Variants in SYT1 observed in about 807,000 individuals in gnomAD.
The protein encoded by SYT1 is synaptotagmin-1.
Under a neutral mutation model 44.8 loss-of-function variants are expected in SYT1, and 8 were observed. The observed-to-expected ratio is 0.18, with a 90% confidence interval of 0.10 to 0.32. SYT1 has a LOEUF of 0.32. SYT1 is among the 10% of genes least tolerant of loss of function. The pLI, the probability that SYT1 is intolerant of heterozygous loss-of-function variation, is 1.00. For missense variants in SYT1, 286 were observed against 509.3 expected, an observed-to-expected ratio of 0.56 and a Z score of 4.22; for synonymous variants, 154 against 188.8, an observed-to-expected ratio of 0.82 and a Z score of 1.51.
At chr12:79,032,691 T>G (rs1417685971) in intron 2 of SYT1, among the ~76,000 whole-genome samples, 1 of 151,312 alleles carries the variant, frequency 6.6e-6, no homozygotes, top group African/African-American at 2.4e-5. Context: ...GTTACAAGAT[T>G]CCAGTAAAGT....
chr12:79,393,741 A>T (rs1384449631), intron 9 of SYT1: 1 of 152,154 alleles, frequency 6.6e-6, no homozygotes. Flanking sequence ...ATTTTCTCCC[A>T]TTCGGTAGGT....
chr12:78,984,076 C>A (rs539231860), intron 2 of SYT1, among the ~76,000 whole-genome samples: 4 of 151,578 alleles, frequency 2.6e-5, no homozygotes, highest in African/African-American at 9.7e-5. Flanking sequence ...ATCAAGTGTG[C>A]CTTTATCTAG....
At chr12:78,921,235 G>T (rs976607281) in intron 1 of SYT1, among the ~76,000 whole-genome samples, 1 of 151,742 alleles carries the variant, frequency 6.6e-6, no homozygotes, top group African/African-American at 2.4e-5. Flanking sequence ...TAGAAATTTT[G>T]GTCAAATACA....
chr12:79,012,154 G>C (rs1871454365), intron 2 of SYT1, among the ~76,000 whole-genome samples: 1 of 150,708 alleles, frequency 6.6e-6, no homozygotes, highest in Admixed American at 6.6e-5. Context: ...AAAAAAGGGA[G>C]AGAATCATCT....
intron 4 of SYT1, among the ~76,000 whole-genome samples, chr12:79,256,228 C>T (rs1040802836): frequency 3.3e-5 from 5 of 152,178 alleles, no homozygotes; most frequent in East Asian, 3.8e-4. Context: ...TTCTGCCTTT[C>T]GGCACATATT....
At chr12:79,288,126 CA>C (rs1236745935) in intron 5 of SYT1, among the ~76,000 whole-genome samples, 1 of 151,948 alleles carries the variant, frequency 6.6e-6, no homozygotes, top group Non-Finnish European at 1.5e-5. Context: ...CTTTTTGAAG[CA>C]GACAAAAGTA....
intron 1 of SYT1, among the ~76,000 whole-genome samples, chr12:78,905,412 A>G (rs114621047): frequency 0.021 from 3,267 of 152,224 alleles, 124 homozygotes; most frequent in African/African-American, 0.075. Flanking sequence ...TCTAACTTGT[A>G]TGTTGACAGT....
chr12:79,189,573 G>A (rs1872994157), intron 3 of SYT1, among the ~76,000 whole-genome samples: 1 of 152,092 alleles, frequency 6.6e-6, no homozygotes, highest in African/African-American at 2.4e-5. Flanking sequence ...CAGTAACACA[G>A]TATAGAAGAT....
intron 3 of SYT1, among the ~76,000 whole-genome samples, chr12:79,134,985 CCACACACA>C (rs201834566): frequency 6.8e-6 from 1 of 147,886 alleles, no homozygotes; most frequent in Non-Finnish European, 1.5e-5. Flanking sequence ...AATGTTCTCA[CCACACACA>C]CACACACACA....
intron 3 of SYT1, among the ~76,000 whole-genome samples, chr12:79,119,551 A>G (rs1879481122): frequency 6.6e-6 from 1 of 151,576 alleles, no homozygotes. Flanking sequence ...TTTTCTATCT[A>G]ACTCCTCCTC....
chr12:79,028,441 GT>G (rs998157652), intron 2 of SYT1, among the ~76,000 whole-genome samples: 13 of 151,326 alleles, frequency 8.6e-5, no homozygotes, highest in African/African-American at 2.7e-4. Flanking sequence ...GCTATTCAAA[GT>G]TTTTTCTGTA....
intron 3 of SYT1, among the ~76,000 whole-genome samples, chr12:79,049,735 G>C (rs1874330439): frequency 6.6e-6 from 1 of 151,936 alleles, no homozygotes; most frequent in East Asian, 1.9e-4. Flanking sequence ...TTTATGAATT[G>C]TATTGGAATC....
At chr12:79,371,690 G>T (rs930058586) in intron 9 of SYT1, among the ~76,000 whole-genome samples, 1 of 152,184 alleles carries the variant, frequency 6.6e-6, no homozygotes, top group East Asian at 1.9e-4. Context: ...TTCCTGGTGG[G>T]AAGACACTCA....
chr12:79,152,815 T>C (rs1870356126), intron 3 of SYT1, among the ~76,000 whole-genome samples: 2 of 151,624 alleles, frequency 1.3e-5, no homozygotes, highest in Non-Finnish European at 2.9e-5. Flanking sequence ...AAGCTTTCAT[T>C]TTGGGTCCAA....
chr12:79,019,955 G>A (rs1872075745), intron 2 of SYT1, among the ~76,000 whole-genome samples: 1 of 151,814 alleles, frequency 6.6e-6, no homozygotes, highest in South Asian at 2.1e-4. Flanking sequence ...TATCCAAAGA[G>A]CTAATGTAAA....
intron 8 of SYT1, among the ~76,000 whole-genome samples, chr12:79,309,387 CT>C (rs771984309): frequency 3.6e-3 from 506 of 142,380 alleles, no homozygotes; most frequent in African/African-American, 4.1e-3. Context: ...CTTTATGTTT[CT>C]TTTTTTTTTT....
At chr12:79,231,899 C>CT (rs1279962418) in intron 4 of SYT1, among the ~76,000 whole-genome samples, 3 of 152,118 alleles carry the variant, frequency 2.0e-5, no homozygotes, top group African/African-American at 7.2e-5. Flanking sequence ...CTCACAGATT[C>CT]TTAGCCAATA....
At chr12:79,275,126 CA>C (rs1228571108) in intron 4 of SYT1, among the ~76,000 whole-genome samples, 2 of 152,108 alleles carry the variant, frequency 1.3e-5, no homozygotes, top group African/African-American at 4.8e-5. Context: ...GAGCACCCCA[CA>C]GGACAAAAGA....
intron 9 of SYT1, among the ~76,000 whole-genome samples, chr12:79,394,267 C>G (rs1884784558): frequency 6.6e-6 from 1 of 152,062 alleles, no homozygotes; most frequent in African/African-American, 2.4e-5. Flanking sequence ...TGCAATGGAC[C>G]AGCAGATATG....
Sources: allele counts gnomAD v4.1 joint callset (sites outside exome capture counted in the v4.1 genomes callset), GRCh38; gene constraint gnomAD v4.1.1; transcripts MANE v1.5; gene names NCBI Gene and HGNC (gene_info 2026-07-23, HGNC 2026-07-21).